SLC22A8: variants seen among roughly 807,000 people sequenced by gnomAD.
SLC22A8 encodes organic anion transporter 3.
In SLC22A8, 40 loss-of-function variants were observed where a neutral mutation model predicts 48.4. That is an observed-to-expected ratio of 0.83 (90% CI 0.64 to 1.08). The LOEUF (loss-of-function observed/expected upper bound fraction) is 1.08, where lower values mean the gene tolerates loss of function less well. Ranked by LOEUF, SLC22A8 falls within the 50% of genes least tolerant of loss-of-function variation. SLC22A8 has a pLI of 0.00. For synonymous variants in SLC22A8, 268 were observed against 286.3 expected, an observed-to-expected ratio of 0.94 and a Z score of 0.65; for missense variants, 606 against 699.0, an observed-to-expected ratio of 0.87 and a Z score of 1.50.
At chr11:63,007,679 C>A (rs1207804204) in intron 2 of SLC22A8, among the ~76,000 whole-genome samples, 1 of 152,132 alleles carries the variant, frequency 6.6e-6, no homozygotes, top group Non-Finnish European at 1.5e-5. Flanking sequence ...AGCCGAGCCC[C>A]AAGGGAGCTG....
chr11:63,002,712 G>A (rs941011394), intron 2 of SLC22A8, among the ~76,000 whole-genome samples: 1 of 152,034 alleles, frequency 6.6e-6, no homozygotes, highest in African/African-American at 2.4e-5. Context: ...GATATTTCTT[G>A]AATCTGGATT....
At chr11:62,996,609 GA>G (rs1230397968) in intron 5 of SLC22A8, among the ~76,000 whole-genome samples, 1 of 152,226 alleles carries the variant, frequency 6.6e-6, no homozygotes, top group African/African-American at 2.4e-5. Flanking sequence ...GAGGGGGATG[GA>G]GGCTAAGGTG....
In SLC22A8 at chr11:62,999,071, G is replaced by A; in HGVS notation, c.611C>T (p.Thr204Ile). 1 of 1,613,538 alleles carries A rather than the reference G, an allele frequency of 6.2e-7. No homozygotes were observed. The highest frequency in any genetic ancestry group is 2.2e-5 in the East Asian group (1 of 44,884). Residue 204 changes from threonine to isoleucine, a missense_variant, in exon 5 of 11, where the codon ACC becomes ATC. Transcript: ENST00000336232. ...TGTCGACATGATGGCCCGCATCCGGGTAGGCACCCATTCCACATCTGTGGG... is the reference window on the plus strand; with the variant it reads ...TGTCGACATGATGGCCCGCATCCGGATAGGCACCCATTCCACATCTGTGGG... Reference protein sequence around the residue: ...TVILNVEWVPTRMRAIMSTAL... With the variant: ...TVILNVEWVPIRMRAIMSTAL...
chr11:63,000,922 C>T (rs1023132772), intron 2 of SLC22A8, 99 bp from the exon 3 acceptor site: 16 of 896,194 alleles, frequency 1.8e-5, no homozygotes, highest in African/African-American at 1.5e-4. Context: ...CCTCTCCCAG[C>T]GCCCTGACTT....
intron 2 of SLC22A8, among the ~76,000 whole-genome samples, chr11:63,013,365 T>A (rs2086640019): frequency 6.6e-6 from 1 of 152,128 alleles, no homozygotes; most frequent in Non-Finnish European, 1.5e-5. Context: ...CTTAAAGAGA[T>A]TACATCTCCT....
chr11:63,009,535 G>C (rs2086594067), intron 2 of SLC22A8, among the ~76,000 whole-genome samples: 1 of 152,196 alleles, frequency 6.6e-6, no homozygotes, highest in Non-Finnish European at 1.5e-5. Context: ...TGGGGACTAT[G>C]GGGTACGTGC....
At chr11:63,012,624 C>T (rs1175274713) in intron 2 of SLC22A8, among the ~76,000 whole-genome samples, 10 of 152,166 alleles carry the variant, frequency 6.6e-5, no homozygotes, top group Admixed American at 1.3e-4. Flanking sequence ...GTGTACAAAG[C>T]GCATATTCAT....
chr11:63,007,681 A>G lies in SLC22A8; in HGVS notation c.334-6858T>C, dbSNP rs549526382. On this transcript the variant is annotated intron_variant, in intron 2 of 10. Transcript: ENST00000336232. ...TTTCTTGGAATGTAGCCGAGCCCCA[A>G]GGGAGCTGGGTTCTGGAAGGAAAGG... Among the ~76,000 whole-genome samples the G allele has an allele frequency of 4.6e-5, 7 of 152,284 alleles. No individual in the cohort carries two copies. The South Asian group carries it at 1.0e-3, about 23-fold the overall frequency.
chr11:63,013,310 G>A (rs1488836870), intron 2 of SLC22A8, among the ~76,000 whole-genome samples: 1 of 152,164 alleles, frequency 6.6e-6, no homozygotes, highest in African/African-American at 2.4e-5. Context: ...ATGGAATCAA[G>A]CTGAGCCTCA....
At chr11:62,994,013 T>C (rs2086377991) in intron 8 of SLC22A8, 135 bp from the exon 9 acceptor site, 1 of 663,908 alleles carries the variant, frequency 1.5e-6, no homozygotes, top group East Asian at 2.7e-5. Flanking sequence ...TGAGTAATGC[T>C]TTGCATGCCT....
chr11:63,008,365 G>T (rs1220699227), intron 2 of SLC22A8, among the ~76,000 whole-genome samples: 2 of 152,190 alleles, frequency 1.3e-5, no homozygotes, highest in African/African-American at 4.8e-5. Flanking sequence ...GTCTAGCTTA[G>T]GGGAGAATTG....
intron 2 of SLC22A8, among the ~76,000 whole-genome samples, chr11:63,003,121 C>T (rs1449891252): frequency 2.0e-5 from 3 of 152,202 alleles, no homozygotes; most frequent in African/African-American, 7.2e-5. Context: ...TTTATGAGGC[C>T]CTCCATGCTC....
chr11:62,995,601 C>T, intron 7 of SLC22A8, 103 bp downstream of exon 7: 2 of 804,126 alleles, frequency 2.5e-6, no homozygotes, highest in Non-Finnish European at 2.1e-6. Flanking sequence ...GATTCTCTGA[C>T]TTCTCTTTCA....
Position 62,993,231 on chromosome 11 carries a change from T to C in SLC22A8, c.*6A>G. On this transcript the variant is annotated 3_prime_UTR_variant, in exon 11 of 11. Coordinates refer to ENST00000336232, the MANE Select transcript of SLC22A8 (RefSeq NM_004254.4). ...TGGAGGGCAGGGAAAGGGGGTTCCG[T>C]TGTCCTCAGCTGGAGCCCAGGCCTG... 1.9e-6 allele frequency: 3 copies of C among 1,609,308 alleles called. No homozygotes were observed. The highest frequency in any genetic ancestry group is 1.7e-6 in the Non-Finnish European group (2 of 1,177,958).
At chr11:63,000,933 T>C (rs2086486819) in intron 2 of SLC22A8, 110 bp from the exon 3 acceptor site, 2 of 787,992 alleles carry the variant, frequency 2.5e-6, no homozygotes, top group South Asian at 1.5e-5. Context: ...GCCCTGACTT[T>C]GCCCCTACCT....
intron 5 of SLC22A8, among the ~76,000 whole-genome samples, chr11:62,997,523 C>T (rs1026348804): frequency 2.0e-5 from 3 of 152,244 alleles, no homozygotes; most frequent in Non-Finnish European, 2.9e-5. Context: ...CACCCAGCCA[C>T]CTAGAAAAAT....
chr11:63,002,545 C>A (rs1944044), intron 2 of SLC22A8, among the ~76,000 whole-genome samples: 28 of 151,944 alleles, frequency 1.8e-4, no homozygotes, highest in Non-Finnish European at 3.5e-4. Flanking sequence ...CCCCTTCCCC[C>A]CGAGCTTTTG....
At chr11:62,997,750 C>T (rs1371238267) in intron 5 of SLC22A8, among the ~76,000 whole-genome samples, 1 of 152,228 alleles carries the variant, frequency 6.6e-6, no homozygotes, top group Non-Finnish European at 1.5e-5. Context: ...TGAGGAACTG[C>T]TTCACATCTC....
In SLC22A8 at chr11:62,998,908, G is replaced by C. The variant is rs1590691659; in HGVS notation, c.761+13C>G. ...CACCTAAGGAAACAGATGAAGAGGAGAGGGCCACATACCAGGATGATAGGA... is the reference window on the plus strand; with the variant it reads ...CACCTAAGGAAACAGATGAAGAGGACAGGGCCACATACCAGGATGATAGGA... On this transcript the variant is annotated intron_variant, in intron 5 of 10. Transcript: ENST00000336232. The C allele has an allele frequency of 6.3e-6, 10 of 1,595,534 alleles. No homozygotes were observed. The highest frequency in any genetic ancestry group is 8.6e-6 in the Non-Finnish European group (10 of 1,165,738).
Sources: allele counts gnomAD v4.1 joint callset (sites outside exome capture counted in the v4.1 genomes callset), GRCh38; gene constraint gnomAD v4.1.1; transcripts MANE v1.5; gene names NCBI Gene and HGNC (gene_info 2026-07-23, HGNC 2026-07-21).